PLXNA4: variants seen among roughly 807,000 people sequenced by gnomAD.
PLXNA4 encodes the protein plexin A4.
A neutral mutation model predicts 191.8 loss-of-function variants in PLXNA4; 44 were observed. That is an observed-to-expected ratio of 0.23 (90% CI 0.18 to 0.29). The LOEUF (loss-of-function observed/expected upper bound fraction) is 0.29. Ranked by LOEUF, PLXNA4 falls within the 10% of genes least tolerant of loss-of-function variation. PLXNA4 has a pLI of 1.00. For missense variants in PLXNA4, 1,800 were observed against 2,488.8 expected (o/e 0.72, Z 5.89); for synonymous variants, 1,082 against 1,009.5 (o/e 1.07, Z -1.36).
intron 3 of PLXNA4, among the ~76,000 whole-genome samples, chr7:132,443,592 A>G (rs1308988794): frequency 6.6e-6 from 1 of 152,198 alleles, no homozygotes; most frequent in Non-Finnish European, 1.5e-5. Context: ...AAAGACGATG[A>G]GCCGACACTG....
chr7:132,180,070 GC>G (rs1408622087), intron 19 of PLXNA4, 149 bp from the exon 20 acceptor site: 7 of 1,377,064 alleles, frequency 5.1e-6, no homozygotes, highest in Non-Finnish European at 6.7e-6. Context: ...GGCATGGGGG[GC>G]TGGGAGCGGG....
chr7:132,312,074 G>T (rs1428490058), intron 3 of PLXNA4, among the ~76,000 whole-genome samples: 1 of 151,746 alleles, frequency 6.6e-6, no homozygotes, highest in Non-Finnish European at 1.5e-5. Context: ...GGGGCCTAAA[G>T]ACATCCTCCT....
intron 3 of PLXNA4, among the ~76,000 whole-genome samples, chr7:132,358,183 T>C (rs972655529): frequency 6.6e-6 from 1 of 152,256 alleles, no homozygotes; most frequent in African/African-American, 2.4e-5. Context: ...GTTTATTTAA[T>C]TATCCAGATA....
At chr7:132,451,715 G>A (rs1392988894) in intron 3 of PLXNA4, among the ~76,000 whole-genome samples, 3 of 152,276 alleles carry the variant, frequency 2.0e-5, no homozygotes, top group South Asian at 2.1e-4. Flanking sequence ...CTTGGTCCAC[G>A]GACTCCCATG....
At chr7:132,472,131 C>T (rs1796956354) in intron 3 of PLXNA4, among the ~76,000 whole-genome samples, 1 of 152,168 alleles carries the variant, frequency 6.6e-6, no homozygotes, top group African/African-American at 2.4e-5. Context: ...CTGAGCCCAC[C>T]CTGACCTTTC....
At chr7:132,647,682 C>T (rs2116899174) in intron 1 of PLXNA4, among the ~76,000 whole-genome samples, 2 of 151,948 alleles carry the variant, frequency 1.3e-5, no homozygotes, top group East Asian at 3.9e-4. Flanking sequence ...CACACATATA[C>T]TCACATACAC....
intron 9 of PLXNA4, among the ~76,000 whole-genome samples, chr7:132,211,421 T>C (rs1797797070): frequency 6.6e-6 from 1 of 152,236 alleles, no homozygotes; most frequent in Non-Finnish European, 1.5e-5. Context: ...GACACTCCTG[T>C]AGCCTCCTCC....
At chr7:132,394,772 T>C (rs1793678715) in intron 3 of PLXNA4, among the ~76,000 whole-genome samples, 1 of 152,236 alleles carries the variant, frequency 6.6e-6, no homozygotes, top group African/African-American at 2.4e-5. Flanking sequence ...GTCCTTGCCC[T>C]GGGATTCTAG....
At chr7:132,311,202 G>GCGCGT (rs1554411105) in intron 3 of PLXNA4, among the ~76,000 whole-genome samples, 2 of 151,062 alleles carry the variant, frequency 1.3e-5, no homozygotes, top group African/African-American at 2.4e-5. Flanking sequence ...GTGCGCGTGT[G>GCGCGT]GCCTAAAGGA....
intron 3 of PLXNA4, among the ~76,000 whole-genome samples, chr7:132,451,298 G>A (rs1796114475): frequency 6.6e-6 from 1 of 152,118 alleles, no homozygotes; most frequent in African/African-American, 2.4e-5. Context: ...TGCACCCTGG[G>A]CCTCCTCTTT....
intron 2 of PLXNA4, among the ~76,000 whole-genome samples, chr7:132,499,874 A>G (rs552800371): frequency 6.6e-6 from 1 of 152,188 alleles, no homozygotes; most frequent in Non-Finnish European, 1.5e-5. Flanking sequence ...CAGTAATGGC[A>G]CAGAGACCAG....
chr7:132,528,074 A>C (rs1799475229), intron 1 of PLXNA4, among the ~76,000 whole-genome samples: 1 of 152,218 alleles, frequency 6.6e-6, no homozygotes, highest in Non-Finnish European at 1.5e-5. Flanking sequence ...CCAGGACAAG[A>C]ATATAACTTA....
chr7:132,349,152 T>C (rs1803377144), intron 3 of PLXNA4, among the ~76,000 whole-genome samples: 1 of 152,230 alleles, frequency 6.6e-6, no homozygotes. Flanking sequence ...TTGAAAGATT[T>C]TTTTTAAATA....
At chr7:132,331,174 A>G (rs1189728819) in intron 3 of PLXNA4, among the ~76,000 whole-genome samples, 3 of 152,332 alleles carry the variant, frequency 2.0e-5, no homozygotes, top group East Asian at 3.9e-4. Flanking sequence ...CCACAAATTA[A>G]TAGCACAGAA....
chr7:132,413,759 C>G (rs1045430233), intron 3 of PLXNA4, among the ~76,000 whole-genome samples: 2 of 152,150 alleles, frequency 1.3e-5, no homozygotes, highest in African/African-American at 2.4e-5. Flanking sequence ...TGTGATGTAC[C>G]TGGAAACCCA....
intron 29 of PLXNA4, among the ~76,000 whole-genome samples, chr7:132,142,464 A>G (rs1300835102): frequency 2.6e-5 from 4 of 152,222 alleles, no homozygotes; most frequent in Non-Finnish European, 5.9e-5. Flanking sequence ...CCAGTACAAT[A>G]TTTCTATACT....
intron 15 of PLXNA4, among the ~76,000 whole-genome samples, chr7:132,186,313 G>C (rs1732159059): frequency 1.3e-5 from 2 of 152,192 alleles, no homozygotes; most frequent in Non-Finnish European, 2.9e-5. Context: ...GGATTGCTGT[G>C]CCTATCATCT....
intron 1 of PLXNA4, among the ~76,000 whole-genome samples, chr7:132,524,102 G>A (rs1437785555): frequency 1.3e-5 from 2 of 152,132 alleles, no homozygotes; most frequent in East Asian, 1.9e-4. Context: ...TAACTACAAC[G>A]AAGTGAGGCT....
At chr7:132,276,002 A>G (rs1251780505) in intron 4 of PLXNA4, among the ~76,000 whole-genome samples, 2 of 152,202 alleles carry the variant, frequency 1.3e-5, no homozygotes, top group Non-Finnish European at 2.9e-5. Context: ...TGGGCCACCT[A>G]GTGTGAACTG....
Sources: allele counts gnomAD v4.1 joint callset (sites outside exome capture counted in the v4.1 genomes callset), GRCh38; gene constraint gnomAD v4.1.1; transcripts MANE v1.5; gene names NCBI Gene and HGNC (gene_info 2026-07-23, HGNC 2026-07-21).